The following FAM114A2 variants were observed in gnomAD, a reference collection of about 807,000 sequenced individuals.
The protein encoded by FAM114A2 is family with sequence similarity 114 member A2.
In FAM114A2, 53 loss-of-function variants were observed where a neutral mutation model predicts 58.4. The observed-to-expected ratio is 0.91, with a 90% CI of 0.73 to 1.14. FAM114A2 has a LOEUF of 1.14. Among genes scored for constraint, FAM114A2 ranks in the 50% most tolerant of loss-of-function variants. The probability of loss-of-function intolerance (pLI) is 0.00; values close to 1 mark genes in which losing one functional copy is unlikely to be tolerated. For synonymous variants in FAM114A2, 228 were observed against 211.4 expected, an observed-to-expected ratio of 1.08 and a Z score of -0.68; for missense variants, 601 against 581.1, an observed-to-expected ratio of 1.03 and a Z score of -0.35.
chr5:154,033,856 T>A lies in FAM114A2; in HGVS notation c.338A>T (p.Lys113Met). Residue 113 changes from lysine (K) to methionine (M), a missense_variant, in exon 4 of 14, where the codon AAG (lysine) becomes ATG (methionine). Coordinates refer to ENST00000351797, the MANE Select transcript of FAM114A2 (RefSeq NM_018691.4). ...AGGGATTCCAAGGGAAGTCTCTGCC[T>A]TCTCGATGACATTTGAAATGCCTTG... Reference protein sequence around the residue: ...VGQGISNVIEKAETSLGIPGP... With the variant: ...VGQGISNVIEMAETSLGIPGP... 1 of 1,610,916 alleles carries A rather than the reference T, an allele frequency of 6.2e-7. No homozygotes were observed.
chr5:153,992,979 A>G lies in FAM114A2; in HGVS notation c.1515T>C (p.His505=), dbSNP rs1290965062. The G allele has an allele frequency of 1.2e-6, 2 of 1,610,428 alleles. No homozygotes were observed. Among genetic ancestry groups the G allele is most frequent in the South Asian group, 2.2e-5 (2 of 90,402 alleles). Reference sequence around the variant, plus strand: ...CAGGTCAAAACGTCTCCATTCTTCAATGTTCTAACAAAGGTTTCTGGCCCT... The same window carrying G: ...CAGGTCAAAACGTCTCCATTCTTCAGTGTTCTAACAAAGGTTTCTGGCCCT... ...ELQGQKPLLE[H] is the part of the protein sequence containing the mutation. The change falls in exon 14 of 14, where the codon CAT becomes CAC. Residue 505 remains histidine, a synonymous_variant. Coordinates refer to ENST00000351797, the MANE Select transcript of FAM114A2 (RefSeq NM_018691.4).
chr5:154,002,658 C>T (rs74775091), intron 10 of FAM114A2, among the ~76,000 whole-genome samples, 189 bp downstream of exon 10: 10,078 of 152,194 alleles, frequency 0.066, 401 homozygotes, highest in Middle Eastern at 0.18. Context: ...ACAAAACACA[C>T]GCGCATCCTT....
chr5:154,020,011 T>C (rs983488145), intron 8 of FAM114A2, among the ~76,000 whole-genome samples: 1 of 152,170 alleles, frequency 6.6e-6, no homozygotes, highest in African/African-American at 2.4e-5. Flanking sequence ...ACTGCACAAC[T>C]ACATGGAAAC....
chr5:154,023,974 A>G (rs1447266021), intron 8 of FAM114A2, among the ~76,000 whole-genome samples: 1 of 152,166 alleles, frequency 6.6e-6, no homozygotes, highest in Non-Finnish European at 1.5e-5. Context: ...CCTCACTCAG[A>G]GCTCTTTGCT....
intron 8 of FAM114A2, 64 bp from the exon 9 acceptor site, chr5:154,011,384 C>T (rs1770688221): frequency 2.7e-6 from 3 of 1,110,204 alleles, no homozygotes; most frequent in South Asian, 1.3e-5. Flanking sequence ...AGGTGGCAGG[C>T]GAGGAGGAAG....
chr5:154,023,646 G>A (rs984257244), intron 8 of FAM114A2, among the ~76,000 whole-genome samples: 2 of 152,090 alleles, frequency 1.3e-5, no homozygotes, highest in African/African-American at 4.8e-5. Context: ...AGGGAGTGTG[G>A]TGTATACTGC....
At chr5:153,997,902 C>G (rs377274589) in intron 11 of FAM114A2, 27 bp from the exon 12 acceptor site, 14 of 1,413,582 alleles carry the variant, frequency 9.9e-6, no homozygotes, top group Non-Finnish European at 1.3e-5. Context: ...AAGTCAGAAA[C>G]GTTTTTTCTT....
At chr5:154,021,438 C>G (rs1344532025) in intron 8 of FAM114A2, among the ~76,000 whole-genome samples, 1 of 152,172 alleles carries the variant, frequency 6.6e-6, no homozygotes, top group Non-Finnish European at 1.5e-5. Context: ...TGATAAGCAA[C>G]CTCAGCAAAG....
At chr5:154,031,391 A>G (rs1056603985) in intron 4 of FAM114A2, among the ~76,000 whole-genome samples, 1 of 152,040 alleles carries the variant, frequency 6.6e-6, no homozygotes, top group Non-Finnish European at 1.5e-5. Flanking sequence ...GGAAAGCAGA[A>G]GATAGCCCCC....
chr5:154,028,427 T>C (rs1223680643), intron 5 of FAM114A2, 144 bp from the exon 6 acceptor site: 1 of 593,718 alleles, frequency 1.7e-6, no homozygotes, highest in South Asian at 2.7e-5. Flanking sequence ...AATCACACAC[T>C]GCTTGTGGGA....
At chr5:154,025,802 A>T (rs138820011) in intron 8 of FAM114A2, among the ~76,000 whole-genome samples, 1 of 152,158 alleles carries the variant, frequency 6.6e-6, no homozygotes, top group Non-Finnish European at 1.5e-5. Flanking sequence ...CCTGGCAATT[A>T]TACTTTACGT....
intron 1 of FAM114A2, 77 bp from the exon 2 acceptor site, chr5:154,035,044 A>G (rs1224557465): frequency 3.8e-6 from 3 of 785,540 alleles, no homozygotes; most frequent in Non-Finnish European, 6.1e-6. Flanking sequence ...TTTTAGTTTG[A>G]GATTATCATA....
chr5:154,034,146 T>C (rs1011016831), intron 3 of FAM114A2, 132 bp downstream of exon 3: 11 of 640,104 alleles, frequency 1.7e-5, no homozygotes, highest in Middle Eastern at 7.6e-4. Flanking sequence ...CCATCATTAC[T>C]AATGCATCCT....
chr5:153,996,653 A>C (rs956701169), intron 12 of FAM114A2, among the ~76,000 whole-genome samples: 3 of 152,184 alleles, frequency 2.0e-5, no homozygotes, highest in Non-Finnish European at 4.4e-5. Flanking sequence ...GCTGAAATAG[A>C]TATTTCTCCA....
Position 154,027,176 on chromosome 5 carries a change from C to G in FAM114A2, c.789G>C (p.Lys263Asn). ...LEMLSQESEI[K>N]VKSILNSLSG... ...AGTTGAGATTTTGGCTTGGAATTAC[C>G]TTTATTTCACTTTCTTGGGAAAGCA... The change falls in exon 7 of 14, where the codon AAG becomes AAC. Residue 263 changes from lysine (K) to asparagine (N), a missense_variant and splice_region_variant. Transcript: ENST00000351797. 1.2e-6 allele frequency: 2 copies of G among 1,606,518 alleles called. No homozygotes were observed. Among genetic ancestry groups the G allele is most frequent in the African/African-American group, 2.7e-5 (2 of 74,388 alleles).
intron 8 of FAM114A2, among the ~76,000 whole-genome samples, chr5:154,022,311 T>C (rs942697264): frequency 1.3e-5 from 2 of 152,204 alleles, no homozygotes; most frequent in African/African-American, 4.8e-5. Context: ...AAAGAGCTTC[T>C]GCACAGCAAA....
rs1021412698 is a variant in FAM114A2 at position 153,997,715 on chromosome 5, G to A, written c.1329+88C>T. On this transcript the variant is annotated intron_variant, in intron 12 of 13. Transcript: ENST00000351797. ...ACTAAAAACTAAAAACTATTGAATT[G>A]TACACTTAAAGTGAGCAAATTTTAT... is the stretch of plus-strand genomic sequence containing the variant. 38 of 793,334 alleles carry A rather than the reference G, an allele frequency of 4.8e-5. No homozygotes were observed. The East Asian group carries it at 8.9e-4, about 19-fold the overall frequency. The allele number at this position is 793,334 out of a possible 1,614,324, so 49.1% of individuals were successfully genotyped here.
At chr5:154,001,180 A>C (rs888571998) in intron 11 of FAM114A2, among the ~76,000 whole-genome samples, 2 of 152,246 alleles carry the variant, frequency 1.3e-5, no homozygotes, top group Non-Finnish European at 2.9e-5. Context: ...ATATATACAC[A>C]TACACACATA....
chr5:153,992,860 C>T lies in FAM114A2; in HGVS notation c.*116G>A. On this transcript the variant is annotated 3_prime_UTR_variant, in exon 14 of 14. Coordinates refer to ENST00000351797, the MANE Select transcript of FAM114A2 (RefSeq NM_018691.4). ...CAATCTTCCTCTTTAAACCATCTCT[C>T]CTGCCTGAATTTTTATATACTAAAA... is the stretch of plus-strand genomic sequence containing the variant. 1.1e-6 allele frequency: 1 copy of T among 883,616 alleles called. No individual in the cohort carries two copies. The highest frequency in any genetic ancestry group is 1.7e-6 in the Non-Finnish European group (1 of 586,268). The allele number at this position is 883,616 out of a possible 1,614,324, so 54.7% of individuals were successfully genotyped here. A position where few individuals can be genotyped will look rare whatever the true frequency, so the allele number is the denominator to read the frequency against.
Sources: gnomAD v4.1 joint callset for allele counts (sites outside exome capture counted in the v4.1 genomes callset) on GRCh38, gnomAD v4.1.1 for gene constraint, MANE v1.5 for transcripts, NCBI Gene and HGNC (gene_info 2026-07-23, HGNC 2026-07-21) for gene names.